The following MRPS9 variants were observed in gnomAD, a reference collection of about 807,000 sequenced individuals.
MRPS9 encodes mitochondrial ribosomal protein S9, also known as small ribosomal subunit protein uS9m.
In MRPS9, 45 loss-of-function variants were observed where a neutral mutation model predicts 59.9. The ratio of observed to expected loss-of-function variants is 0.75; its 90% CI spans 0.59 to 0.96. The LOEUF (loss-of-function observed/expected upper bound fraction) is 0.96, where lower values mean the gene tolerates loss of function less well. MRPS9 is among the 40% of genes least tolerant of loss of function. The pLI, the probability that MRPS9 is intolerant of heterozygous loss-of-function variation, is 0.00. For synonymous variants in MRPS9, 171 were observed against 166.8 expected, an observed-to-expected ratio of 1.03 and a Z score of -0.19; for missense variants, 473 against 481.1, an observed-to-expected ratio of 0.98 and a Z score of 0.16.
At chr2:105,092,112 T>C (rs2104468948) in intron 7 of MRPS9, 1 of 269,512 alleles carries the variant, frequency 3.7e-6, no homozygotes. Flanking sequence ...AAATACTTTT[T>C]GAAAGTGAAT....
At chr2:105,046,898 A>G (rs60009428) in intron 1 of MRPS9, among the ~76,000 whole-genome samples, 126 of 152,176 alleles carry the variant, frequency 8.3e-4, no homozygotes, top group Middle Eastern at 6.8e-3. Context: ...CACCTTTGCT[A>G]TGATTCTTGG....
chr2:105,089,908 A>G lies in MRPS9; in HGVS notation c.576-12A>G, dbSNP rs1202481578. On this transcript the variant is annotated splice_polypyrimidine_tract_variant and intron_variant, in intron 6 of 10. Transcript: ENST00000258455. The stretch of plus-strand genomic sequence containing the variant: ...GCTAATTAAAAAGAGAATATATGTG[A>G]TATTTTAACAGAGACGTGATTGGCA... 1.9e-6 allele frequency: 3 copies of G among 1,583,914 alleles called. No individual in the cohort carries two copies. Among genetic ancestry groups the G allele is most frequent in the Non-Finnish European group, 2.6e-6 (3 of 1,156,390 alleles).
At chr2:105,065,307 T>C (rs1331805122) in intron 2 of MRPS9, among the ~76,000 whole-genome samples, 2 of 152,216 alleles carry the variant, frequency 1.3e-5, no homozygotes, top group African/African-American at 4.8e-5. Flanking sequence ...GGAGAGTACA[T>C]TATGAAATTA....
intron 2 of MRPS9, among the ~76,000 whole-genome samples, chr2:105,069,469 T>G (rs550762324): frequency 9.2e-5 from 14 of 152,310 alleles, no homozygotes; most frequent in African/African-American, 2.9e-4. Flanking sequence ...CACCTCAGCC[T>G]CTCAAAGTGC....
chr2:105,055,858 T>C (rs931493778), intron 2 of MRPS9, among the ~76,000 whole-genome samples: 1 of 152,188 alleles, frequency 6.6e-6, no homozygotes, highest in Non-Finnish European at 1.5e-5. Flanking sequence ...AAAACAAAAA[T>C]AATTTATCCA....
At chr2:105,050,047 T>C (rs1679681448) in intron 2 of MRPS9, among the ~76,000 whole-genome samples, 1 of 152,228 alleles carries the variant, frequency 6.6e-6, no homozygotes, top group African/African-American at 2.4e-5. Flanking sequence ...TTAATTTCAA[T>C]CTTTCTGTAT....
At chr2:105,080,152 T>A in intron 5 of MRPS9, 90 bp downstream of exon 5, 1 of 801,046 alleles carries the variant, frequency 1.2e-6, no homozygotes, top group Non-Finnish European at 1.9e-6. Context: ...AGAATTTACC[T>A]AGTATTTTAT....
intron 2 of MRPS9, among the ~76,000 whole-genome samples, chr2:105,052,617 A>C (rs1431596019): frequency 6.6e-6 from 1 of 152,082 alleles, no homozygotes; most frequent in African/African-American, 2.4e-5. Flanking sequence ...GATATTGGTA[A>C]TACTGGCCTC....
At chr2:105,049,133 ATTTAT>A in intron 1 of MRPS9, 33 bp from the exon 2 acceptor site, 2 of 1,357,296 alleles carry the variant, frequency 1.5e-6, no homozygotes, top group Admixed American at 2.2e-5. Flanking sequence ...TCACAGTTTA[ATTTAT>A]TTTCTTTTCT....
chr2:105,084,124 T>G (rs948281884), intron 5 of MRPS9, among the ~76,000 whole-genome samples: 1 of 152,026 alleles, frequency 6.6e-6, no homozygotes, highest in Admixed American at 6.6e-5. Context: ...TGCACTAGGT[T>G]TTAGCATTGT....
chr2:105,064,022 T>C (rs1679952208), intron 2 of MRPS9, among the ~76,000 whole-genome samples: 1 of 152,244 alleles, frequency 6.6e-6, no homozygotes, highest in South Asian at 2.1e-4. Context: ...TTGGATGTGC[T>C]GTTTGGATAC....
At chr2:105,049,095 T>C (rs1433574714) in intron 1 of MRPS9, 76 bp from the exon 2 acceptor site, 2 of 1,041,178 alleles carry the variant, frequency 1.9e-6, no homozygotes, top group African/African-American at 1.6e-5. Context: ...GCATATACTA[T>C]TTTATTTAAG....
At chr2:105,094,659 T>G (rs1680623602) in intron 9 of MRPS9, among the ~76,000 whole-genome samples, 1 of 152,234 alleles carries the variant, frequency 6.6e-6, no homozygotes, top group Non-Finnish European at 1.5e-5. Context: ...AGTGCATTCT[T>G]AACTCCATTT....
intron 2 of MRPS9, among the ~76,000 whole-genome samples, chr2:105,054,569 A>G (rs1411160179): frequency 2.0e-5 from 3 of 152,026 alleles, no homozygotes; most frequent in Non-Finnish European, 2.9e-5. Context: ...CATTTTATTA[A>G]ATATAGCGGA....
rs1355158632 is a variant in MRPS9, at chr2:105,073,715, A to G, written c.409+2226A>G. ...AACAGGAGCAAAGAGTAGCACTCATATTAGACAAAATGGAATTCAAGGAGT... is the reference window on the plus strand; with the variant it reads ...AACAGGAGCAAAGAGTAGCACTCATGTTAGACAAAATGGAATTCAAGGAGT... On this transcript the variant is annotated intron_variant, in intron 4 of 10. Transcript: ENST00000258455. Among the ~76,000 whole-genome samples, 4 of 152,306 alleles carry G rather than the reference A, an allele frequency of 2.6e-5. No homozygotes were observed. In the East Asian group the frequency reaches 7.7e-4, roughly 29 times the overall value.
intron 2 of MRPS9, among the ~76,000 whole-genome samples, chr2:105,068,235 A>AAATAGTTTTTAAGAT (rs1362626159): frequency 5.3e-4 from 80 of 152,244 alleles, no homozygotes; most frequent in African/African-American, 1.9e-3. Flanking sequence ...ATATTACAGG[A>AAATAGTTTTTAAGAT]AATAGTTTTT....
intron 2 of MRPS9, among the ~76,000 whole-genome samples, chr2:105,050,431 G>A (rs1017717686): frequency 1.3e-5 from 2 of 152,068 alleles, no homozygotes; most frequent in African/African-American, 4.8e-5. Context: ...TTAGCCACCC[G>A]GCCCGGTCCA....
intron 7 of MRPS9, chr2:105,091,357 A>G: frequency 2.1e-6 from 1 of 471,102 alleles, no homozygotes. Flanking sequence ...AGATGCAATC[A>G]AGAGAGTAGC....
intron 2 of MRPS9, among the ~76,000 whole-genome samples, chr2:105,056,802 A>G (rs1679798447): frequency 1.3e-5 from 2 of 152,218 alleles, no homozygotes; most frequent in South Asian, 4.1e-4. Context: ...AATAAGGTTT[A>G]TTAAAGAGTA....
Sources: gnomAD v4.1 joint callset for allele counts (sites outside exome capture counted in the v4.1 genomes callset) on GRCh38, gnomAD v4.1.1 for gene constraint, MANE v1.5 for transcripts, NCBI Gene and HGNC (gene_info 2026-07-23, HGNC 2026-07-21) for gene names.